Variants in MTBP observed in about 807,000 individuals in gnomAD.
The protein encoded by MTBP is mdm2-binding protein.
MTBP carries 101 observed loss-of-function variants against 117.0 expected under a neutral mutation model. The ratio of observed to expected loss-of-function variants is 0.86; its 90% CI spans 0.73 to 1.02. The LOEUF (loss-of-function observed/expected upper bound fraction) is 1.02, where lower values mean the gene tolerates loss of function less well. MTBP is among the 50% of genes least tolerant of loss of function. The pLI is 0.00. For synonymous variants in MTBP, 350 were observed against 351.5 expected (o/e 1.00, Z 0.05); for missense variants, 970 against 1,030.9 (o/e 0.94, Z 0.81).
chr8:120,497,968 A>G (rs962276652), intron 14 of MTBP, among the ~76,000 whole-genome samples: 1 of 152,300 alleles, frequency 6.6e-6, no homozygotes, highest in African/African-American at 2.4e-5. Context: ...TTAACATTCA[A>G]TAGGGGAGGA....
At chr8:120,517,626 A>G (rs977347159) in intron 18 of MTBP, among the ~76,000 whole-genome samples, 2 of 146,970 alleles carry the variant, frequency 1.4e-5, no homozygotes, top group African/African-American at 4.9e-5. Context: ...TGGTAACACT[A>G]TAACATAGTG....
intron 7 of MTBP, 29 bp downstream of exon 7, chr8:120,456,699 T>G (rs1586939467): frequency 8.7e-7 from 1 of 1,151,294 alleles, no homozygotes; most frequent in East Asian, 2.4e-5. Flanking sequence ...GTTTGCCAAG[T>G]AGGCCTTTCA....
At chr8:120,471,622 GT>G (rs893867068) in intron 11 of MTBP, 1 of 152,106 alleles carries the variant, frequency 6.6e-6, no homozygotes, top group Non-Finnish European at 1.5e-5. Context: ...TTATTTAACA[GT>G]TTAACTGTAT....
intron 11 of MTBP, among the ~76,000 whole-genome samples, chr8:120,480,859 G>A (rs931870935): frequency 1.3e-5 from 2 of 151,966 alleles, no homozygotes; most frequent in South Asian, 4.1e-4. Context: ...ATTCACCAAG[G>A]TTCAAAATGC....
chr8:120,523,379 C>T lies in MTBP; in HGVS notation c.*43C>T, dbSNP rs772777882. 2 of 1,157,006 alleles carry T rather than the reference C, an allele frequency of 1.7e-6. No individual in the cohort carries two copies. The highest frequency in any genetic ancestry group is 2.5e-5 in the East Asian group (1 of 39,448). 71.7% of individuals were successfully genotyped at this position (1,157,006 alleles called of 1,614,324 possible). A position where few individuals can be genotyped will look rare whatever the true frequency, so the allele number is the denominator to read the frequency against. On this transcript the variant is annotated 3_prime_UTR_variant, in exon 22 of 22. Transcript: ENST00000305949. The stretch of plus-strand genomic sequence containing the variant: ...TAAGACAATTATAAATTGGATGGAG[C>T]TATTATTCACTACTTCTTTTCTTAG...
intron 10 of MTBP, among the ~76,000 whole-genome samples, chr8:120,470,494 A>C (rs1459110614): frequency 6.6e-6 from 1 of 152,238 alleles, no homozygotes; most frequent in Non-Finnish European, 1.5e-5. Context: ...TTTTGTATAT[A>C]TACAAATAAA....
chr8:120,488,673 A>G (rs936243444), intron 12 of MTBP, among the ~76,000 whole-genome samples: 2 of 151,970 alleles, frequency 1.3e-5, no homozygotes, highest in Non-Finnish European at 2.9e-5. Context: ...GTTCTATTTT[A>G]TTGCCCATCT....
intron 2 of MTBP, among the ~76,000 whole-genome samples, chr8:120,449,547 G>T (rs1042881744): frequency 5.3e-5 from 8 of 152,110 alleles, no homozygotes; most frequent in Non-Finnish European, 1.2e-4. Flanking sequence ...AATTATTTTT[G>T]CACCAATTAA....
chr8:120,445,571 G>A lies in MTBP; in HGVS notation c.101G>A (p.Gly34Asp), dbSNP rs763896274. The A allele has an allele frequency of 1.9e-6, 3 of 1,608,672 alleles. No homozygotes were observed. Among genetic ancestry groups the A allele is most frequent in the Non-Finnish European group, 2.5e-6 (3 of 1,177,982 alleles). ...EHGPEVSSGE[G>D]TENQPDFTAA... ...GGGCCAGAGGTGTCGTCGGGTGAGGGTACTGAGAATCAGCCGGGTAAGCGC... is the reference window on the plus strand; with the variant it reads ...GGGCCAGAGGTGTCGTCGGGTGAGGATACTGAGAATCAGCCGGGTAAGCGC... The change falls in exon 1 of 22, where the codon GGT becomes GAT. Residue 34 changes from glycine (G) to aspartate (D), a missense_variant. Transcript: ENST00000305949.
chr8:120,518,138 G>A, intron 19 of MTBP, 38 bp downstream of exon 19: 18 of 1,521,132 alleles, frequency 1.2e-5, no homozygotes, highest in Non-Finnish European at 1.6e-5. Context: ...GTTCTACATA[G>A]GAAGACTTTT....
At position 120,476,216 on chromosome 8, in the gene MTBP, C is replaced by T. The variant is rs536254365; in HGVS notation, c.1165+5279C>T. Among the ~76,000 whole-genome samples the T allele has an allele frequency of 7.9e-5, 12 of 152,096 alleles. No homozygotes were observed. In the South Asian group the frequency reaches 2.5e-3, roughly 32 times the overall value. The stretch of plus-strand genomic sequence containing the variant: ...CGATAAACTTAAACACCCCTTCATG[C>T]TAAAACTCTCAATAAGCTAGGTATT... On this transcript the variant is annotated intron_variant, in intron 11 of 21. Coordinates refer to ENST00000305949, the MANE Select transcript of MTBP (RefSeq NM_022045.5).
At chr8:120,468,864 G>A (rs1374981502) in intron 10 of MTBP, among the ~76,000 whole-genome samples, 3 of 152,054 alleles carry the variant, frequency 2.0e-5, no homozygotes, top group Non-Finnish European at 4.4e-5. Flanking sequence ...GTGCTTTGGA[G>A]CTTCTTTTCG....
At chr8:120,509,577 G>C (rs1814757384) in intron 16 of MTBP, among the ~76,000 whole-genome samples, 1 of 152,036 alleles carries the variant, frequency 6.6e-6, no homozygotes, top group Non-Finnish European at 1.5e-5. Context: ...ACCCCAGCCT[G>C]GACGACAGAG....
At chr8:120,517,701 A>G in intron 18 of MTBP, 150 bp from the exon 19 acceptor site, 2 of 626,072 alleles carry the variant, frequency 3.2e-6, no homozygotes, top group Non-Finnish European at 5.3e-6. Context: ...TAACAGTGGT[A>G]TAATATAGTG....
At position 120,456,638 on chromosome 8, in the gene MTBP, T is replaced by C. The variant is rs756243593; in HGVS notation, c.715T>C (p.Trp239Arg). The change falls in exon 7 of 22, where the codon TGG becomes CGG. Residue 239 changes from tryptophan to arginine, a missense_variant. Physicochemically the swap from Trp to Arg is moderately radical, Grantham distance 101. Coordinates refer to ENST00000305949, the MANE Select transcript of MTBP (RefSeq NM_022045.5). ...LRNVIDSKEL[W>R]RGKIQIWERK... ...AAATGTTATTGACTCAAAGGAATTA[T>C]GGAGGGGGAAAATACAGATATGGGA... 9 of 1,595,956 alleles carry C rather than the reference T, an allele frequency of 5.6e-6. No individual in the cohort carries two copies. The highest frequency in any genetic ancestry group is 7.7e-6 in the Non-Finnish European group (9 of 1,167,300).
intron 10 of MTBP, among the ~76,000 whole-genome samples, chr8:120,465,465 A>G (rs1399478467): frequency 6.6e-6 from 1 of 152,188 alleles, no homozygotes; most frequent in Non-Finnish European, 1.5e-5. Flanking sequence ...CAAGTATGAT[A>G]TAAATGATGG....
At chr8:120,464,612 A>C (rs1326215380) in intron 10 of MTBP, among the ~76,000 whole-genome samples, 1 of 152,030 alleles carries the variant, frequency 6.6e-6, no homozygotes, top group Non-Finnish European at 1.5e-5. Context: ...TAAAGGAAAA[A>C]TGATTTTGAC....
intron 5 of MTBP, 47 bp downstream of exon 5, chr8:120,453,952 C>T (rs1029535726): frequency 1.2e-5 from 13 of 1,071,800 alleles, no homozygotes; most frequent in East Asian, 1.0e-4. Context: ...TATCTTATTA[C>T]ACTTTATGAA....
At chr8:120,497,342 A>C in intron 13 of MTBP, 51 bp from the exon 14 acceptor site, 1 of 1,468,524 alleles carries the variant, frequency 6.8e-7, no homozygotes. Flanking sequence ...AGACTAGTAG[A>C]TGAGCTCCAG....
Sources: allele counts gnomAD v4.1 joint callset (sites outside exome capture counted in the v4.1 genomes callset), GRCh38; gene constraint gnomAD v4.1.1; transcripts MANE v1.5; gene names NCBI Gene and HGNC (gene_info 2026-07-23, HGNC 2026-07-21).